The following DNAH9 variants were observed in gnomAD, a reference collection of about 807,000 sequenced individuals.
The protein encoded by DNAH9 is dynein axonemal heavy chain 9.
In DNAH9, 345 loss-of-function variants were observed where a neutral mutation model predicts 471.6. The observed-to-expected ratio is 0.73, with a 90% CI of 0.67 to 0.80. The LOEUF (loss-of-function observed/expected upper bound fraction) is 0.80. DNAH9 is among the 30% of genes least tolerant of loss of function. The pLI, the probability that DNAH9 is intolerant of heterozygous loss-of-function variation, is 0.00. For synonymous variants in DNAH9, 2,093 were observed against 2,123.6 expected (o/e 0.99, Z 0.40); for missense variants, 5,407 against 5,609.2 (o/e 0.96, Z 1.15).
chr17:11,629,728 T>C, intron 7 of DNAH9, 144 bp downstream of exon 7: 2 of 656,326 alleles, frequency 3.0e-6, no homozygotes, highest in Non-Finnish European at 5.0e-6. Flanking sequence ...ATCCTTTGTG[T>C]TAGGAGAAAT....
chr17:11,711,970 TTG>T lies in DNAH9; in HGVS notation c.5552+6787_5552+6788del, dbSNP rs1267341757. ...TATATTTATATATAAATATATATAT[TTG>T]TATATATATTTATATATAAATATAT... is the stretch of plus-strand genomic sequence containing the variant. On this transcript the variant is annotated intron_variant, in intron 26 of 68. Coordinates refer to ENST00000262442, the MANE Select transcript of DNAH9 (RefSeq NM_001372.4). 8.6e-3 allele frequency among the ~76,000 whole-genome samples: 28 copies of T among 3,244 alleles called. 11 individuals are homozygous for T. The Admixed American group carries it at 0.11, about 12-fold the overall frequency. 2.1% of individuals were successfully genotyped at this position (3,244 alleles called of 152,430 possible). A position where few individuals can be genotyped will look rare whatever the true frequency, so the allele number is the denominator to read the frequency against.
intron 19 of DNAH9, among the ~76,000 whole-genome samples, chr17:11,689,273 TC>T (rs1285275935): frequency 2.0e-5 from 3 of 151,760 alleles, no homozygotes; most frequent in African/African-American, 7.3e-5. Flanking sequence ...AAGGGGGTAT[TC>T]CCTTCTAGAC....
At chr17:11,736,489 C>T (rs1313208678) in intron 28 of DNAH9, among the ~76,000 whole-genome samples, 3 of 152,176 alleles carry the variant, frequency 2.0e-5, no homozygotes, top group African/African-American at 7.2e-5. Flanking sequence ...CCCTCCCTGC[C>T]TCCAAGCATC....
chr17:11,804,984 G>C (rs1969613961), intron 43 of DNAH9, among the ~76,000 whole-genome samples: 1 of 151,852 alleles, frequency 6.6e-6, no homozygotes, highest in South Asian at 2.1e-4. Flanking sequence ...AACCTGGGAG[G>C]CAGAGGTTAC....
In DNAH9 at chr17:11,969,502, G is replaced by C. The variant is rs748561173; in HGVS notation, c.13436G>C (p.Gly4479Ala). The change falls in exon 69 of 69, where the codon GGA becomes GCA. Residue 4479 changes from glycine to alanine, a missense_variant. Physicochemically the swap from Gly to Ala is moderately conservative, Grantham distance 60. Around this residue, in one of 3 missense-constraint regions of DNAH9, gnomAD observed 4,636 missense variants for 4,900.3 expected, o/e 0.95. Coordinates refer to ENST00000262442, the MANE Select transcript of DNAH9 (RefSeq NM_001372.4). ...AACCCATCCAAGTGGGTTCTGGCTG[G>C]AGTAGCCTTGCTTCTCCAGATTTAG... ...KENPSKWVLA[G>A]VALLLQI 6.2e-7 allele frequency: 1 copy of C among 1,613,078 alleles called. No individual in the cohort carries two copies. Among genetic ancestry groups the C allele is most frequent in the Non-Finnish European group, 8.5e-7 (1 of 1,179,838 alleles).
chr17:11,865,993 G>T (rs537197076), intron 50 of DNAH9, among the ~76,000 whole-genome samples: 1 of 152,020 alleles, frequency 6.6e-6, no homozygotes, highest in East Asian at 1.9e-4. Context: ...TAGTTTGATC[G>T]TCTGAAGCCT....
intron 68 of DNAH9, among the ~76,000 whole-genome samples, chr17:11,965,149 G>T (rs1196282258): frequency 2.0e-5 from 3 of 152,214 alleles, no homozygotes; most frequent in African/African-American, 7.2e-5. Context: ...CCATGCCTAT[G>T]TGCAGATCTG....
intron 67 of DNAH9, among the ~76,000 whole-genome samples, chr17:11,955,416 G>A (rs1975589163): frequency 6.6e-6 from 1 of 152,012 alleles, no homozygotes; most frequent in East Asian, 1.9e-4. Flanking sequence ...AGTAGTTACT[G>A]TATTGGTAAC....
chr17:11,610,690 G>T, intron 3 of DNAH9, 136 bp downstream of exon 3: 1 of 746,032 alleles, frequency 1.3e-6, no homozygotes, highest in Non-Finnish European at 2.1e-6. Context: ...GGGGTAGACA[G>T]CTCTGTGTCA....
chr17:11,920,440 G>A (rs1974100708), intron 61 of DNAH9, among the ~76,000 whole-genome samples: 2 of 151,368 alleles, frequency 1.3e-5, no homozygotes, highest in South Asian at 4.2e-4. Context: ...GTCTAACATG[G>A]TGAAACCCTA....
Position 11,690,169 on chromosome 17 carries a change from C to A in DNAH9, c.4347C>A (p.Phe1449Leu). 4 of 1,614,204 alleles carry A rather than the reference C, an allele frequency of 2.5e-6. No homozygotes were observed. Among genetic ancestry groups the A allele is most frequent in the Non-Finnish European group, 3.4e-6 (4 of 1,180,032 alleles). ...ELQTTWAGME[F>L]QYEPHPRTNV... ...AGACTACCTGGGCTGGCATGGAATT[C>A]CAGTATGAGCCCCACCCACGGACCA... is the stretch of plus-strand genomic sequence containing the variant. The change falls in exon 20 of 69, where the codon TTC becomes TTA. Residue 1449 changes from phenylalanine (F) to leucine (L), a missense_variant. Transcript: ENST00000262442.
chr17:11,837,086 G>C (rs1970874856), intron 49 of DNAH9, among the ~76,000 whole-genome samples: 1 of 152,334 alleles, frequency 6.6e-6, no homozygotes. Flanking sequence ...GGTAGTGGTG[G>C]TGGTGATGTT....
chr17:11,845,734 A>C (rs896056411), intron 49 of DNAH9, among the ~76,000 whole-genome samples: 19 of 138,254 alleles, frequency 1.4e-4, no homozygotes, highest in Admixed American at 3.6e-4. Flanking sequence ...TGTGGTTTTG[A>C]TTTTCATTGC....
intron 39 of DNAH9, among the ~76,000 whole-genome samples, 200 bp from the exon 40 acceptor site, chr17:11,783,446 C>T (rs1388954682): frequency 1.3e-5 from 2 of 152,130 alleles, no homozygotes; most frequent in African/African-American, 4.8e-5. Context: ...GGCTCGTCTT[C>T]CTATGCTATT....
chr17:11,721,764 C>T (rs1194010554), intron 27 of DNAH9, among the ~76,000 whole-genome samples: 3 of 152,046 alleles, frequency 2.0e-5, no homozygotes, highest in Non-Finnish European at 2.9e-5. Flanking sequence ...TATATGATAT[C>T]ATCAGGGGAG....
At chr17:11,740,407 C>A (rs1177419452) in intron 29 of DNAH9, among the ~76,000 whole-genome samples, 1 of 152,160 alleles carries the variant, frequency 6.6e-6, no homozygotes, top group Non-Finnish European at 1.5e-5. Flanking sequence ...CACGGTCAGG[C>A]TCTGGTGAGG....
chr17:11,797,515 G>A (rs986569612), intron 42 of DNAH9, 82 bp from the exon 43 acceptor site: 1 of 1,189,248 alleles, frequency 8.4e-7, no homozygotes, highest in African/African-American at 1.5e-5. Flanking sequence ...GGAATGTGCA[G>A]AGCAAATCAG....
At chr17:11,818,879 T>TTATTAC (rs890964697) in intron 45 of DNAH9, among the ~76,000 whole-genome samples, 1 of 123,140 alleles carries the variant, frequency 8.1e-6, no homozygotes, top group South Asian at 2.5e-4. Flanking sequence ...TCTGTCTCCA[T>TTATTAC]TATTACTATT....
In DNAH9 at chr17:11,881,236, T is replaced by A. The variant is rs946205121; in HGVS notation, c.10629T>A (p.Cys3543Ter). ...TCATTAAAATTGGAGACAAAGAATGTGAATACAATCCCAAGTTCCGGCTCA... is the reference window on the plus strand; with the variant it reads ...TCATTAAAATTGGAGACAAAGAATGAGAATACAATCCCAAGTTCCGGCTCA... ...GRFIKIGDKE[C>*]EYNPKFRLIL... Residue 3543 changes from cysteine (C) to a stop codon, truncating the protein, a stop_gained, in exon 55 of 69, where the codon TGT becomes TGA. Transcript: ENST00000262442. LOFTEE classifies it high-confidence loss of function. The A allele has an allele frequency of 1.2e-6, 2 of 1,614,164 alleles. No individual in the cohort carries two copies. The highest frequency in any genetic ancestry group is 1.7e-6 in the Non-Finnish European group (2 of 1,180,030).
Sources: allele counts gnomAD v4.1 joint callset (sites outside exome capture counted in the v4.1 genomes callset), GRCh38; gene constraint gnomAD v4.1.1; regional missense constraint gnomAD v4.1.1; transcripts MANE v1.5; gene names NCBI Gene and HGNC (gene_info 2026-07-23, HGNC 2026-07-21).